Variants in HNRNPU observed in about 807,000 individuals in gnomAD.
The protein encoded by HNRNPU is HNRNPU antisense RNA 1.
A neutral mutation model predicts 94.7 loss-of-function variants in HNRNPU; 5 were observed. That is an observed-to-expected ratio of 0.05 (90% CI 0.03 to 0.11). The LOEUF is 0.11. Among genes scored for constraint, HNRNPU ranks in the 10% least tolerant of loss-of-function variants. The pLI is 1.00. For missense variants in HNRNPU, 710 were observed against 1,049.2 expected, an observed-to-expected ratio of 0.68 and a Z score of 4.47; for synonymous variants, 434 against 381.6, an observed-to-expected ratio of 1.14 and a Z score of -1.60.
At chr1:244,855,109 G>C (rs1317569935) in intron 12 of HNRNPU, 65 bp from the exon 13 acceptor site, 2 of 1,291,606 alleles carry the variant, frequency 1.5e-6, no homozygotes, top group Admixed American at 1.7e-5. Context: ...GTGGGGGTGA[G>C]AGAGAGGAGC....
At chr1:244,863,587 G>C in intron 1 of HNRNPU, 30 bp downstream of exon 1, 1 of 1,391,038 alleles carries the variant, frequency 7.2e-7, no homozygotes, top group Non-Finnish European at 9.2e-7. Flanking sequence ...CGGGCCTCCC[G>C]CCGCGCGCAA....
At position 244,851,889 on chromosome 1, in the gene HNRNPU, A is replaced by G. The variant is rs569540190; in HGVS notation, c.*2561T>C. ...TCTCATAGCAGTTTTAGTTTTCTCAAATTCTATGCTGTTTTTGTACTACTG... is the reference window on the plus strand; with the variant it reads ...TCTCATAGCAGTTTTAGTTTTCTCAGATTCTATGCTGTTTTTGTACTACTG... On this transcript the variant is annotated 3_prime_UTR_variant, in exon 14 of 14. Coordinates refer to ENST00000640218, the MANE Select transcript of HNRNPU (RefSeq NM_031844.3). The G allele has an allele frequency of 4.6e-5, 7 of 152,206 alleles. No homozygotes were observed. In the South Asian group the frequency reaches 1.2e-3, roughly 27 times the overall value. The allele number at this position is 152,206 out of a possible 1,614,324, so 9.4% of individuals were successfully genotyped here. A position where few individuals can be genotyped will look rare whatever the true frequency, so the allele number is the denominator to read the frequency against.
rs1680938606 is a variant in HNRNPU, at chr1:244,864,180, T to A, written c.128A>T (p.Asp43Val). The A allele has an allele frequency of 6.2e-7, 1 of 1,608,056 alleles. No homozygotes were observed. Among genetic ancestry groups the A allele is most frequent in the Non-Finnish European group, 8.5e-7 (1 of 1,177,752 alleles). The part of the protein sequence containing the change: ...ELMERLQAAL[D>V]DEEAGGRPAM... ...GGGGCGGCCCCCGGCCTCCTCGTCG[T>A]CCAGCGCAGCCTGGAGTCGCTCCAT... The change falls in exon 1 of 14, where the codon GAC (aspartate) becomes GTC (valine). Residue 43 changes from aspartate to valine, a missense_variant. Coordinates refer to ENST00000640218, the MANE Select transcript of HNRNPU (RefSeq NM_031844.3).
Position 244,851,277 on chromosome 1 carries a change from AG to A in HNRNPU, c.*3172del, listed in dbSNP as rs1393337680. Reference sequence around the variant, plus strand: ...TAGTTTTTTAAAAATCAAATATACAAGATCTACAATTATTTATATCCAAGAT... The same window carrying A: ...TAGTTTTTTAAAAATCAAATATACAAATCTACAATTATTTATATCCAAGAT... On this transcript the variant is annotated 3_prime_UTR_variant, in exon 14 of 14. Transcript: ENST00000640218. 6.6e-6 allele frequency: 1 copy of A among 152,256 alleles called. No homozygotes were observed. Among genetic ancestry groups the A allele is most frequent in the Non-Finnish European group, 1.5e-5 (1 of 68,048 alleles). The allele number at this position is 152,256 out of a possible 1,614,324, so 9.4% of individuals were successfully genotyped here. A position where few individuals can be genotyped will look rare whatever the true frequency, so the allele number is the denominator to read the frequency against.
At chr1:244,858,893 C>T (rs771133263) in intron 5 of HNRNPU, 52 bp from the exon 6 acceptor site, 4 of 869,394 alleles carry the variant, frequency 4.6e-6, no homozygotes, top group Admixed American at 4.3e-5. Flanking sequence ...AGTCCAAAGA[C>T]TCATCTATTT....
intron 3 of HNRNPU, chr1:244,862,123 T>C (rs1191924533): frequency 4.7e-6 from 1 of 213,224 alleles, no homozygotes; most frequent in South Asian, 1.3e-4. Flanking sequence ...AAAAAATGAA[T>C]TACTTTATTG....
chr1:244,859,468 T>C, intron 4 of HNRNPU, 94 bp from the exon 5 acceptor site: 1 of 640,968 alleles, frequency 1.6e-6, no homozygotes, highest in Non-Finnish European at 2.8e-6. Flanking sequence ...CTAATCTTCC[T>C]CTAGCTATAA....
In HNRNPU at chr1:244,858,002, AT is replaced by A; in HGVS notation, c.1494+8del. On this transcript the variant is annotated splice_region_variant and intron_variant, in intron 7 of 13. Coordinates refer to ENST00000640218, the MANE Select transcript of HNRNPU (RefSeq NM_031844.3). ...AAATGCCACAGTTAAAAAAAAAAAA[AT>A]CCCTTACTTCACAATCTTTCTTCTC... is the stretch of plus-strand genomic sequence containing the variant. 6.4e-7 allele frequency: 1 copy of A among 1,569,996 alleles called. No homozygotes were observed. Among genetic ancestry groups the A allele is most frequent in the Non-Finnish European group, 8.6e-7 (1 of 1,163,680 alleles).
intron 11 of HNRNPU, 40 bp downstream of exon 11, chr1:244,855,864 C>T (rs761153970): frequency 9.4e-6 from 15 of 1,597,884 alleles, no homozygotes; most frequent in South Asian, 6.8e-5. Flanking sequence ...TCACTTGTTT[C>T]GATCCTGAAC....
At chr1:244,854,891 A>G (rs2102984595) in intron 13 of HNRNPU, 82 bp downstream of exon 13, 1 of 1,131,570 alleles carries the variant, frequency 8.8e-7, no homozygotes. Flanking sequence ...TCAATCCCTG[A>G]ACAAGATCTT....
In HNRNPU at chr1:244,863,795, T is replaced by C; in HGVS notation, c.513A>G (p.Gln171=). The change falls in exon 1 of 14, where the codon CAA becomes CAG. Residue 171 remains glutamine (Q), a synonymous_variant. Transcript: ENST00000640218. ...QQPQPPATQQ[Q]QPQQQRGAAK... ...CGGCCCCGCGCTGCTGTTGGGGCTGTTGCTGCTGCGTCGCCGGCGGTTGAG... is the reference window on the plus strand; with the variant it reads ...CGGCCCCGCGCTGCTGTTGGGGCTGCTGCTGCTGCGTCGCCGGCGGTTGAG... 2 of 1,607,610 alleles carry C rather than the reference T, an allele frequency of 1.2e-6. No individual in the cohort carries two copies. Among genetic ancestry groups the C allele is most frequent in the East Asian group, 2.2e-5 (1 of 44,616 alleles).
intron 3 of HNRNPU, chr1:244,860,928 C>T (rs1291940881): frequency 6.0e-6 from 1 of 167,194 alleles, no homozygotes; most frequent in Admixed American, 6.4e-5. Context: ...GATCCTGCAC[C>T]AGGGCTCTAG....
intron 7 of HNRNPU, 48 bp downstream of exon 7, chr1:244,857,963 G>C (rs1186550037): frequency 6.5e-6 from 10 of 1,537,132 alleles, no homozygotes; most frequent in Non-Finnish European, 8.8e-6. Flanking sequence ...TTTTGTGCCA[G>C]GCAAGCAATA....
chr1:244,855,962 A>G lies in HNRNPU; in HGVS notation c.2109T>C (p.Gly703=). ...NKSGKNQFNR[G]GGHRGRGGFN... is the part of the protein sequence containing the mutation. ...ATCCTCCACGTCCTCTATGGCCACC[A>G]CCTCTGTTAAACTGGTTCTTGCCAC... Residue 703 remains glycine, a synonymous_variant, in exon 11 of 14, where the codon GGT becomes GGC. Transcript: ENST00000640218. 3 of 1,613,774 alleles carry G rather than the reference A, an allele frequency of 1.9e-6. No homozygotes were observed. The highest frequency in any genetic ancestry group is 4.5e-5 in the East Asian group (2 of 44,846).
rs1680542794 is a variant in HNRNPU at position 244,851,299 on chromosome 1, A to G, written c.*3151T>C. 1.3e-5 allele frequency: 2 copies of G among 152,226 alleles called. No homozygotes were observed. The highest frequency in any genetic ancestry group is 1.3e-4 in the Admixed American group (2 of 15,282). 9.4% of individuals were successfully genotyped at this position (152,226 alleles called of 1,614,324 possible). On this transcript the variant is annotated 3_prime_UTR_variant, in exon 14 of 14. Coordinates refer to ENST00000640218, the MANE Select transcript of HNRNPU (RefSeq NM_031844.3). ...ACAAGATCTACAATTATTTATATCC[A>G]AGATGTCTACACCACTGCCTAAGAA...
Position 244,851,727 on chromosome 1 carries a change from G to A in HNRNPU, c.*2723C>T, listed in dbSNP as rs1489145351. Reference sequence around the variant, plus strand: ...TCAAATTGATTTGACTCAATTTCATGATTTCATCTCGCTCAAGGCCATCAA... The same window carrying A: ...TCAAATTGATTTGACTCAATTTCATAATTTCATCTCGCTCAAGGCCATCAA... On this transcript the variant is annotated 3_prime_UTR_variant, in exon 14 of 14. Coordinates refer to ENST00000640218, the MANE Select transcript of HNRNPU (RefSeq NM_031844.3). 6.6e-6 allele frequency: 1 copy of A among 152,140 alleles called. No homozygotes were observed. The highest frequency in any genetic ancestry group is 1.9e-4 in the East Asian group (1 of 5,198). The allele number at this position is 152,140 out of a possible 1,614,324, so 9.4% of individuals were successfully genotyped here.
chr1:244,863,717 C>T lies in HNRNPU; in HGVS notation c.591G>A (p.Thr197=), dbSNP rs1159406089. The change falls in exon 1 of 14, where the codon ACG becomes ACA. Residue 197 remains threonine (T), a synonymous_variant. Transcript: ENST00000640218. The part of the protein sequence containing the change: ...SSGPTSLFAV[T]VAPPGARQGQ... The stretch of plus-strand genomic sequence containing the variant: ...CCTGCCTCGCCCCGGGCGGCGCCAC[C>T]GTCACCGCGAACAGCGAGGTGGGGC... The T allele has an allele frequency of 6.4e-7, 1 of 1,568,710 alleles. No individual in the cohort carries two copies. Among genetic ancestry groups the T allele is most frequent in the Non-Finnish European group, 8.6e-7 (1 of 1,164,118 alleles).
chr1:244,860,244 T>A (rs1422924029), intron 4 of HNRNPU, 91 bp downstream of exon 4: 12 of 1,106,886 alleles, frequency 1.1e-5, no homozygotes, highest in Non-Finnish European at 1.6e-5. Flanking sequence ...GAGGTTGCAG[T>A]GAGCCTAGGT....
In HNRNPU at chr1:244,858,108, T is replaced by G. The variant is rs776160388; in HGVS notation, c.1397A>C (p.Tyr466Ser). The G allele has an allele frequency of 6.2e-7, 1 of 1,614,044 alleles. No individual in the cohort carries two copies. The highest frequency in any genetic ancestry group is 8.5e-7 in the Non-Finnish European group (1 of 1,179,946). Residue 466 changes from tyrosine to serine, a missense_variant, in exon 7 of 14, where the codon TAT becomes TCT. Physicochemically the swap from Tyr to Ser is moderately radical, Grantham distance 144 (BLOSUM62 -2). Coordinates refer to ENST00000640218, the MANE Select transcript of HNRNPU (RefSeq NM_031844.3). ...EFNFGQKEKP[Y>S]FPIPEEYTFI... Reference sequence around the variant, plus strand: ...AGTATACTCTTCAGGTATTGGAAAATATGGCTTTTCCTTCTGACCAAAATT... The same window carrying G: ...AGTATACTCTTCAGGTATTGGAAAAGATGGCTTTTCCTTCTGACCAAAATT...
Sources: allele counts gnomAD v4.1 joint callset, GRCh38; gene constraint gnomAD v4.1.1; transcripts MANE v1.5; gene names NCBI Gene and HGNC (gene_info 2026-07-23, HGNC 2026-07-21).